HTATIP2: variants seen among roughly 807,000 people sequenced by gnomAD.
The protein encoded by HTATIP2 is protein HTATIP2.
Under a neutral mutation model 24.7 loss-of-function variants are expected in HTATIP2, and 26 were observed. That is an observed-to-expected ratio of 1.05 (90% CI 0.77 to 1.46). HTATIP2 has a LOEUF of 1.46. Among genes scored for constraint, HTATIP2 ranks in the 40% most tolerant of loss-of-function variants. HTATIP2 has a pLI of 0.00. For missense variants in HTATIP2, 284 were observed against 289.6 expected (o/e 0.98, Z 0.14); for synonymous variants, 99 against 113.2 (o/e 0.87, Z 0.79).
intron 2 of HTATIP2, among the ~76,000 whole-genome samples, chr11:20,374,974 C>G (rs1264382713): frequency 6.6e-6 from 1 of 152,112 alleles, no homozygotes; most frequent in African/African-American, 2.4e-5. Flanking sequence ...GACCATTATT[C>G]TGCCTACCAC....
At chr11:20,375,261 G>C (rs915704106) in intron 2 of HTATIP2, among the ~76,000 whole-genome samples, 2 of 151,832 alleles carry the variant, frequency 1.3e-5, no homozygotes, top group Non-Finnish European at 2.9e-5. Flanking sequence ...CTACTGAGGA[G>C]CAAATTTTTT....
Position 20,364,074 on chromosome 11 carries a change from C to T in HTATIP2, c.-164C>T, listed in dbSNP as rs79794774. 240,995 of 1,367,124 alleles carry T rather than the reference C, an allele frequency of 0.18. 22,129 individuals are homozygous for T. The highest frequency in any genetic ancestry group is 0.19 in the Non-Finnish European group (197,051 of 1,060,146). 84.7% of individuals were successfully genotyped at this position (1,367,124 alleles called of 1,614,324 possible). A position where few individuals can be genotyped will look rare whatever the true frequency, so the allele number is the denominator to read the frequency against. ...TGCTGGCTCAGGTGCGGGCGATGGC[C>T]GGGGAGCCGCGCCCCGCACGTGACT... On this transcript the variant is annotated 5_prime_UTR_variant, in exon 1 of 5. Transcript: ENST00000451739.
intron 2 of HTATIP2, among the ~76,000 whole-genome samples, chr11:20,370,602 C>T (rs536078208): frequency 1.8e-4 from 28 of 152,304 alleles, no homozygotes; most frequent in African/African-American, 6.3e-4. Flanking sequence ...GTTTGCAATA[C>T]AGCCTGCCAC....
At chr11:20,368,198 A>G (rs925613464) in intron 2 of HTATIP2, among the ~76,000 whole-genome samples, 8 of 151,820 alleles carry the variant, frequency 5.3e-5, no homozygotes, top group African/African-American at 1.9e-4. Context: ...AAGAAAAAAT[A>G]TATATATATA....
At chr11:20,365,018 C>T (rs2064681833) in intron 1 of HTATIP2, among the ~76,000 whole-genome samples, 1 of 145,346 alleles carries the variant, frequency 6.9e-6, no homozygotes, top group African/African-American at 2.6e-5. Flanking sequence ...GAGTCTCACT[C>T]TGTCCCCCAG....
chr11:20,374,937 AAGATT>A (rs1235541870), intron 2 of HTATIP2, among the ~76,000 whole-genome samples: 8 of 152,126 alleles, frequency 5.3e-5, no homozygotes, highest in Non-Finnish European at 1.0e-4. Context: ...CATATTCACA[AAGATT>A]AGGACGTGGG....
intron 2 of HTATIP2, among the ~76,000 whole-genome samples, chr11:20,369,966 A>G (rs1330165428): frequency 6.6e-6 from 1 of 152,154 alleles, no homozygotes; most frequent in Non-Finnish European, 1.5e-5. Context: ...GCAGATGCTA[A>G]TCTTCCTTTT....
intron 2 of HTATIP2, among the ~76,000 whole-genome samples, chr11:20,371,130 A>G (rs960047873): frequency 6.6e-6 from 1 of 152,192 alleles, no homozygotes; most frequent in African/African-American, 2.4e-5. Context: ...TATAGTTGCA[A>G]CAGAGGCCTG....
At chr11:20,371,950 A>G (rs2064776541) in intron 2 of HTATIP2, among the ~76,000 whole-genome samples, 1 of 152,020 alleles carries the variant, frequency 6.6e-6, no homozygotes, top group South Asian at 2.1e-4. Flanking sequence ...AGATTATACC[A>G]TTTGGTGTTT....
chr11:20,364,595 T>G (rs1035683252), intron 1 of HTATIP2, among the ~76,000 whole-genome samples, 163 bp downstream of exon 1: 1 of 152,170 alleles, frequency 6.6e-6, no homozygotes, highest in African/African-American at 2.4e-5. Flanking sequence ...GAAGTCTGAC[T>G]CCTGGATTGT....
intron 3 of HTATIP2, among the ~76,000 whole-genome samples, chr11:20,379,208 A>G (rs1184138194): frequency 6.6e-6 from 1 of 152,212 alleles, no homozygotes; most frequent in Admixed American, 6.5e-5. Context: ...CCCAGCAGAG[A>G]TTGGACCGTG....
chr11:20,370,575 G>A (rs2064761466), intron 2 of HTATIP2, among the ~76,000 whole-genome samples: 1 of 152,038 alleles, frequency 6.6e-6, no homozygotes, highest in Non-Finnish European at 1.5e-5. Flanking sequence ...CTAATGATCT[G>A]CTCTTCTAAT....
At position 20,364,086 on chromosome 11, in the gene HTATIP2, C is replaced by T. The variant is rs2064665638; in HGVS notation, c.-152C>T. On this transcript the variant is annotated 5_prime_UTR_variant, in exon 1 of 5. Coordinates refer to ENST00000451739, the MANE Select transcript of HTATIP2 (RefSeq NM_001098522.2). ...TGCGGGCGATGGCCGGGGAGCCGCG[C>T]CCCGCACGTGACTCAGCACTTTCCC... 1.5e-6 allele frequency: 2 copies of T among 1,374,608 alleles called. No homozygotes were observed. Among genetic ancestry groups the T allele is most frequent in the African/African-American group, 1.5e-5 (1 of 67,928 alleles). The allele number at this position is 1,374,608 out of a possible 1,614,324, so 85.2% of individuals were successfully genotyped here. A position where few individuals can be genotyped will look rare whatever the true frequency, so the allele number is the denominator to read the frequency against.
chr11:20,381,053 G>T (rs1326319165), intron 3 of HTATIP2, among the ~76,000 whole-genome samples: 1 of 152,100 alleles, frequency 6.6e-6, no homozygotes, highest in East Asian at 1.9e-4. Flanking sequence ...CTAATGATAT[G>T]GGATTTCTTT....
chr11:20,368,655 T>C (rs1008958059), intron 2 of HTATIP2, among the ~76,000 whole-genome samples: 1 of 152,246 alleles, frequency 6.6e-6, no homozygotes, highest in Non-Finnish European at 1.5e-5. Context: ...AGTGCCAACC[T>C]GGTTTTGGTG....
rs1256543201 is a variant in HTATIP2 at position 20,364,122 on chromosome 11, A to G, written c.-116A>G. On this transcript the variant is annotated 5_prime_UTR_variant, in exon 1 of 5. Coordinates refer to ENST00000451739, the MANE Select transcript of HTATIP2 (RefSeq NM_001098522.2). Reference sequence around the variant, plus strand: ...ACTCAGCACTTTCCCCAGAGCCCGGACTGCGGAGAACAATATCCTCCTCCC... The same window carrying G: ...ACTCAGCACTTTCCCCAGAGCCCGGGCTGCGGAGAACAATATCCTCCTCCC... 1.5e-5 allele frequency: 21 copies of G among 1,448,280 alleles called. No homozygotes were observed. The highest frequency in any genetic ancestry group is 9.1e-7 in the Non-Finnish European group (1 of 1,097,802). 89.7% of individuals were successfully genotyped at this position (1,448,280 alleles called of 1,614,324 possible).
chr11:20,383,035 T>A lies in HTATIP2; in HGVS notation c.559T>A (p.Phe187Ile). The A allele has an allele frequency of 3.7e-6, 6 of 1,613,882 alleles. No homozygotes were observed. Among genetic ancestry groups the A allele is most frequent in the Non-Finnish European group, 5.1e-6 (6 of 1,179,972 alleles). The change falls in exon 5 of 5, where the codon TTC (phenylalanine) becomes ATC (isoleucine). Residue 187 changes from phenylalanine (F) to isoleucine (I), a missense_variant. Physicochemically the swap from Phe to Ile is conservative, Grantham distance 21 (BLOSUM62 0). Transcript: ENST00000451739. Reference protein sequence around the residue: ...SRPGEWLVRKFFGSLPDSWAS... With the variant: ...SRPGEWLVRKIFGSLPDSWAS... ...CCCAGGTGAATGGCTGGTTAGAAAG[T>A]TCTTTGGCTCCTTACCAGACTCTTG...
At chr11:20,369,419 C>A (rs2064747000) in intron 2 of HTATIP2, among the ~76,000 whole-genome samples, 1 of 152,178 alleles carries the variant, frequency 6.6e-6, no homozygotes, top group Non-Finnish European at 1.5e-5. Context: ...TATTGAGATC[C>A]TCTGTGTAGG....
At chr11:20,371,720 G>T (rs1408437665) in intron 2 of HTATIP2, among the ~76,000 whole-genome samples, 1 of 152,044 alleles carries the variant, frequency 6.6e-6, no homozygotes, top group African/African-American at 2.4e-5. Context: ...ATTACCATGA[G>T]CCATCGCACC....
Sources: gnomAD v4.1 joint callset for allele counts (sites outside exome capture counted in the v4.1 genomes callset) on GRCh38, gnomAD v4.1.1 for gene constraint, MANE v1.5 for transcripts, NCBI Gene and HGNC (gene_info 2026-07-23, HGNC 2026-07-21) for gene names.